Variants in TRPM3 observed in about 807,000 individuals in gnomAD.
TRPM3 encodes long transient receptor potential channel 3.
TRPM3 carries 77 observed loss-of-function variants against 181.2 expected under a neutral mutation model. That is an observed-to-expected ratio of 0.42 (90% confidence interval 0.35 to 0.51). The LOEUF is 0.51. TRPM3 is among the 20% of genes least tolerant of loss of function. The pLI, the probability that TRPM3 is intolerant of heterozygous loss-of-function variation, is 0.01. For synonymous variants in TRPM3, 745 were observed against 796.4 expected, an observed-to-expected ratio of 0.94 and a Z score of 1.09; for missense variants, 1,759 against 2,196.7, an observed-to-expected ratio of 0.80 and a Z score of 3.98.
intron 1 of TRPM3, among the ~76,000 whole-genome samples, chr9:71,386,446 T>A (rs944680803): frequency 1.4e-4 from 21 of 151,546 alleles, no homozygotes; most frequent in Admixed American, 3.3e-4. Context: ...AGACTCTGTC[T>A]TTTGAAAAAA....
chr9:70,580,789 CT>C (rs1245722344), intron 22 of TRPM3, among the ~76,000 whole-genome samples: 1 of 152,204 alleles, frequency 6.6e-6, no homozygotes, highest in Non-Finnish European at 1.5e-5. Flanking sequence ...CCCGCCCTCC[CT>C]TTTCTCTTCC....
chr9:70,873,547 T>G (rs542039733), intron 1 of TRPM3, among the ~76,000 whole-genome samples: 1 of 152,144 alleles, frequency 6.6e-6, no homozygotes, highest in Admixed American at 6.6e-5. Context: ...TGTTCTAGGC[T>G]TCTCAAACTC....
In TRPM3 at chr9:71,410,957, T is replaced by G. The variant is rs917346865; in HGVS notation, c.183+35696A>C. ...GCAAGGCTAGTTCAACATATGAAAA[T>G]CAATAAACGTAATCCATCATATAAA... is the stretch of plus-strand genomic sequence containing the variant. On this transcript the variant is annotated intron_variant, in intron 1 of 24. Transcript: ENST00000357533. 2.0e-5 allele frequency among the ~76,000 whole-genome samples: 3 copies of G among 152,106 alleles called. No homozygotes were observed. In the South Asian group the frequency reaches 6.2e-4, roughly 32 times the overall value.
intron 21 of TRPM3, among the ~76,000 whole-genome samples, chr9:70,594,387 T>C (rs1175635066): frequency 6.6e-6 from 1 of 152,206 alleles, no homozygotes; most frequent in Non-Finnish European, 1.5e-5. Context: ...TCTTATTCAA[T>C]TGTTTAAATT....
chr9:71,248,605 T>C (rs977428193), intron 1 of TRPM3, among the ~76,000 whole-genome samples: 1 of 152,230 alleles, frequency 6.6e-6, no homozygotes, highest in Non-Finnish European at 1.5e-5. Flanking sequence ...TTGTTGCAAA[T>C]CCTGTCTTAA....
chr9:70,924,936 A>C (rs951058577), intron 1 of TRPM3, among the ~76,000 whole-genome samples: 2 of 152,208 alleles, frequency 1.3e-5, no homozygotes, highest in East Asian at 3.8e-4. Flanking sequence ...GAGAAGGAGA[A>C]GATGATGATC....
intron 1 of TRPM3, among the ~76,000 whole-genome samples, chr9:71,418,554 C>T (rs1386660757): frequency 6.6e-6 from 1 of 151,558 alleles, no homozygotes; most frequent in Non-Finnish European, 1.5e-5. Flanking sequence ...TAGCAGATCC[C>T]ATCAATGGGG....
chr9:71,080,063 G>C (rs191062136), intron 1 of TRPM3, among the ~76,000 whole-genome samples: 12 of 152,090 alleles, frequency 7.9e-5, no homozygotes, highest in Non-Finnish European at 1.6e-4. Context: ...CCAGCGACTT[G>C]AGAGGCTGAG....
chr9:71,174,309 A>T (rs2077003914), intron 1 of TRPM3, among the ~76,000 whole-genome samples: 1 of 152,196 alleles, frequency 6.6e-6, no homozygotes, highest in African/African-American at 2.4e-5. Context: ...TGGGAGGCCA[A>T]CGCCAGTGGA....
intron 22 of TRPM3, among the ~76,000 whole-genome samples, chr9:70,563,523 A>C (rs1184380465): frequency 6.6e-6 from 1 of 152,232 alleles, no homozygotes; most frequent in Non-Finnish European, 1.5e-5. Flanking sequence ...TGATTGGAGC[A>C]GATTCCACCA....
At chr9:71,028,756 A>T (rs1276839885) in intron 1 of TRPM3, among the ~76,000 whole-genome samples, 1 of 152,216 alleles carries the variant, frequency 6.6e-6, no homozygotes, top group African/African-American at 2.4e-5. Context: ...GCAAGAACTA[A>T]CTATTCTAAA....
At chr9:71,285,151 T>C (rs193044336) in intron 1 of TRPM3, among the ~76,000 whole-genome samples, 5 of 152,348 alleles carry the variant, frequency 3.3e-5, no homozygotes, top group South Asian at 2.1e-4. Context: ...CTAAGTAAGA[T>C]ATTTTACATT....
intron 1 of TRPM3, among the ~76,000 whole-genome samples, chr9:70,979,937 T>C: frequency 6.6e-6 from 1 of 152,068 alleles, no homozygotes; most frequent in Admixed American, 6.6e-5. Context: ...CTTATGCTTA[T>C]GACCTCATTA....
At chr9:70,971,990 G>A (rs1348046618) in intron 1 of TRPM3, among the ~76,000 whole-genome samples, 1 of 152,080 alleles carries the variant, frequency 6.6e-6, no homozygotes, top group Non-Finnish European at 1.5e-5. Flanking sequence ...ACTGTTAGTG[G>A]GAATACATAA....
intron 22 of TRPM3, among the ~76,000 whole-genome samples, chr9:70,578,103 CTG>C (rs919749332): frequency 3.3e-5 from 5 of 152,164 alleles, no homozygotes; most frequent in Non-Finnish European, 5.9e-5. Flanking sequence ...ATGTTTAAAA[CTG>C]TTTTCAATTT....
At chr9:71,257,246 G>C (rs542108598) in intron 1 of TRPM3, among the ~76,000 whole-genome samples, 1 of 152,130 alleles carries the variant, frequency 6.6e-6, no homozygotes, top group Non-Finnish European at 1.5e-5. Context: ...GAAAATGGAA[G>C]GGATGGGCTC....
intron 1 of TRPM3, among the ~76,000 whole-genome samples, chr9:71,042,203 A>G (rs1223131587): frequency 6.8e-6 from 1 of 147,944 alleles, no homozygotes; most frequent in African/African-American, 2.5e-5. Flanking sequence ...TTGTTATTTG[A>G]AAAAAAAAAG....
chr9:70,979,606 G>T (rs1419199934), intron 1 of TRPM3, among the ~76,000 whole-genome samples: 1 of 152,148 alleles, frequency 6.6e-6, no homozygotes, highest in African/African-American at 2.4e-5. Context: ...CCTTGTGGGA[G>T]TTTTATTCTA....
At chr9:70,569,977 G>A (rs1417834471) in intron 22 of TRPM3, among the ~76,000 whole-genome samples, 1 of 152,060 alleles carries the variant, frequency 6.6e-6, no homozygotes, top group Non-Finnish European at 1.5e-5. Context: ...TGATCCATGA[G>A]CAATAGTTCA....
Sources: allele counts gnomAD v4.1 joint callset (sites outside exome capture counted in the v4.1 genomes callset), GRCh38; gene constraint gnomAD v4.1.1; transcripts MANE v1.5; gene names NCBI Gene and HGNC (gene_info 2026-07-23, HGNC 2026-07-21).